The following RASSF2 variants were observed in gnomAD, a reference collection of about 807,000 sequenced individuals.
The protein encoded by RASSF2 is ras association domain-containing protein 2.
Under a neutral mutation model 46.3 loss-of-function variants are expected in RASSF2, and 34 were observed. That is an observed-to-expected ratio of 0.73 (90% confidence interval 0.56 to 0.98). The LOEUF is 0.98. Ranked by LOEUF, RASSF2 falls within the 50% of genes least tolerant of loss-of-function variation. The pLI is 0.00. For synonymous variants in RASSF2, 158 were observed against 162.5 expected (o/e 0.97, Z 0.21); for missense variants, 364 against 431.2 (o/e 0.84, Z 1.38).
chr20:4,788,775 T>C (rs948018211), intron 8 of RASSF2, among the ~76,000 whole-genome samples: 1 of 152,212 alleles, frequency 6.6e-6, no homozygotes, highest in Admixed American at 6.5e-5. Context: ...ATTGACCAAA[T>C]TGGTCATTCT....
At chr20:4,789,532 C>A in intron 8 of RASSF2, 64 bp downstream of exon 8, 2 of 1,393,734 alleles carry the variant, frequency 1.4e-6, no homozygotes, top group Non-Finnish European at 2.0e-6. Context: ...CTCGCACAAC[C>A]ACTCTAGGAG....
chr20:4,798,031 A>G lies in RASSF2; in HGVS notation c.114T>C (p.Asn38=), dbSNP rs780079626. ...TTACCTCCCGGTGCCGGAGCTGTAA[A>G]TTCTGGCCTTCATAGTACAAGTTGT... The part of the protein sequence containing the change: ...KTYNLYYEGQ[N]LQLRHREEED... The change falls in exon 4 of 12, where the codon AAT becomes AAC. Residue 38 remains asparagine (N), a synonymous_variant. Transcript: ENST00000379400. 1 of 1,614,020 alleles carries G rather than the reference A, an allele frequency of 6.2e-7. No homozygotes were observed. Among genetic ancestry groups the G allele is most frequent in the South Asian group, 1.1e-5 (1 of 91,076 alleles).
chr20:4,805,937 C>T (rs1927307485), intron 2 of RASSF2, among the ~76,000 whole-genome samples: 1 of 152,146 alleles, frequency 6.6e-6, no homozygotes, highest in African/African-American at 2.4e-5. Flanking sequence ...TTCAGGCAGA[C>T]CCATGGAAAC....
chr20:4,814,932 G>A (rs185392553), intron 2 of RASSF2, among the ~76,000 whole-genome samples: 59 of 152,302 alleles, frequency 3.9e-4, no homozygotes, highest in African/African-American at 1.3e-3. Context: ...GCTCCTCCAC[G>A]TGGCCCGCAG....
intron 7 of RASSF2, 21 bp from the exon 8 acceptor site, chr20:4,789,718 C>G (rs6037963): frequency 1.2e-6 from 2 of 1,605,798 alleles, no homozygotes; most frequent in Admixed American, 1.7e-5. Flanking sequence ...AAGGGCCCAG[C>G]TCAGGGTGGG....
At chr20:4,807,313 T>A in intron 2 of RASSF2, among the ~76,000 whole-genome samples, 1 of 147,374 alleles carries the variant, frequency 6.8e-6, no homozygotes, top group African/African-American at 2.6e-5. Context: ...CCTGTGAAAA[T>A]TTTAAACTTC....
chr20:4,788,469 C>A (rs1056479914), intron 8 of RASSF2, among the ~76,000 whole-genome samples: 20 of 152,184 alleles, frequency 1.3e-4, no homozygotes, highest in Admixed American at 1.0e-3. Context: ...ATGCACTTAA[C>A]CACGAGGATG....
chr20:4,810,176 G>A (rs781575178), intron 2 of RASSF2, among the ~76,000 whole-genome samples: 3 of 152,200 alleles, frequency 2.0e-5, no homozygotes, highest in Non-Finnish European at 4.4e-5. Context: ...CTAGGCTGCC[G>A]GAACGGGGTC....
chr20:4,798,073 G>A lies in RASSF2; in HGVS notation c.72C>T (p.Leu24=), dbSNP rs1225698711. 1 of 1,613,864 alleles carries A rather than the reference G, an allele frequency of 6.2e-7. No individual in the cohort carries two copies. Among genetic ancestry groups the A allele is most frequent in the Non-Finnish European group, 8.5e-7 (1 of 1,179,832 alleles). ...ACAAGTTGTAGGTCTTCAGATGCAA[G>A]AGAAGTTCATTTCTTAGGGGGAAAA... The part of the protein sequence containing the change: ...QDKYISKNEL[L]LHLKTYNLYY... The change falls in exon 4 of 12, where the codon CTC becomes CTT. Residue 24 remains leucine (L), a synonymous_variant. Transcript: ENST00000379400.
intron 2 of RASSF2, among the ~76,000 whole-genome samples, chr20:4,809,166 T>C (rs1927570139): frequency 6.6e-6 from 1 of 152,174 alleles, no homozygotes; most frequent in Non-Finnish European, 1.5e-5. Flanking sequence ...GTCAGTGGAA[T>C]TCAGCTGGTT....
intron 5 of RASSF2, 37 bp from the exon 6 acceptor site, chr20:4,792,664 A>C (rs1242074729): frequency 3.7e-6 from 6 of 1,608,240 alleles, no homozygotes; most frequent in Non-Finnish European, 5.1e-6. Flanking sequence ...GGGGGAGACT[A>C]GTTTAAGCCC....
chr20:4,818,343 G>A (rs1293261924), intron 2 of RASSF2, among the ~76,000 whole-genome samples: 3 of 151,862 alleles, frequency 2.0e-5, no homozygotes, highest in African/African-American at 7.3e-5. Flanking sequence ...AGGTTCAACC[G>A]GTTTGGGGCA....
At position 4,792,624 on chromosome 20, in the gene RASSF2, G is replaced by A. The variant is rs1183481720; in HGVS notation, c.291C>T (p.Thr97=). ...TGGGCACAGTCAGGGGCTTCAGAGT[G>A]GTTCTGGGAGTGGAGAAGACAAAGG... The part of the protein sequence containing the change: ...HSGCNLGAQG[T]TLKPLTVPKV... The change falls in exon 6 of 12, where the codon ACC becomes ACT. Residue 97 remains threonine (T), a synonymous_variant. Coordinates refer to ENST00000379400, the MANE Select transcript of RASSF2 (RefSeq NM_014737.3). The A allele has an allele frequency of 3.1e-6, 5 of 1,613,834 alleles. No individual in the cohort carries two copies. In the East Asian group the frequency reaches 1.1e-4, roughly 36 times the overall value.
intron 8 of RASSF2, among the ~76,000 whole-genome samples, chr20:4,788,952 T>TAACCTGCCCAATTA: frequency 6.6e-6 from 1 of 152,276 alleles, no homozygotes; most frequent in African/African-American, 2.4e-5. Context: ...GCAGGTTAAG[T>TAACCTGCCCAATTA]AACCTGCCCA....
At chr20:4,793,348 T>C (rs1252184548) in intron 5 of RASSF2, among the ~76,000 whole-genome samples, 2 of 152,186 alleles carry the variant, frequency 1.3e-5, no homozygotes, top group Non-Finnish European at 2.9e-5. Flanking sequence ...AGGAGAATCA[T>C]ATTTGACCAA....
Position 4,788,225 on chromosome 20 carries a change from G to A in RASSF2, c.683C>T (p.Thr228Met), listed in dbSNP as rs1482284481. Residue 228 changes from threonine to methionine, a missense_variant, in exon 9 of 12, where the codon ACG (threonine) becomes ATG (methionine). Transcript: ENST00000379400. ...GTGGTCTTCAGACTTACCACCACTC[G>A]TATGGACCACGTACAAGGCAAACTC... is the stretch of plus-strand genomic sequence containing the variant. The part of the protein sequence containing the change: ...AEEFALYVVH[T>M]SGEKQKLKAT... The A allele has an allele frequency of 5.0e-6, 8 of 1,600,368 alleles. No individual in the cohort carries two copies. Among genetic ancestry groups the A allele is most frequent in the East Asian group, 4.5e-5 (2 of 44,794 alleles).
chr20:4,788,265 C>A lies in RASSF2; in HGVS notation c.643G>T (p.Glu215Ter). The change falls in exon 9 of 12, where the codon GAG (glutamate) becomes TAG (stop). Residue 215 changes from glutamate (E) to a stop codon, truncating the protein, a stop_gained. Transcript: ENST00000379400. LOFTEE classifies it high-confidence loss of function. ...LKLLLNKFKI[E>*]NSAEEFALYV... The stretch of plus-strand genomic sequence containing the variant: ...AAGGCAAACTCCTCTGCTGAATTCT[C>A]AATCTGAAGCAGGAGCAAAAGATTC... The A allele has an allele frequency of 6.2e-7, 1 of 1,607,680 alleles. No homozygotes were observed. The highest frequency in any genetic ancestry group is 1.1e-5 in the South Asian group (1 of 90,936).
At chr20:4,792,487 C>G (rs181289102) in intron 6 of RASSF2, 52 bp downstream of exon 6, 2 of 1,610,464 alleles carry the variant, frequency 1.2e-6, no homozygotes, top group Non-Finnish European at 1.7e-6. Flanking sequence ...TCTATCACAG[C>G]GGTCTTCACA....
intron 4 of RASSF2, among the ~76,000 whole-genome samples, chr20:4,796,317 A>G (rs1401119863): frequency 1.3e-5 from 2 of 152,256 alleles, no homozygotes; most frequent in Non-Finnish European, 2.9e-5. Flanking sequence ...TAACAGAAGC[A>G]AGAACTGGAG....
Sources: allele counts gnomAD v4.1 joint callset (sites outside exome capture counted in the v4.1 genomes callset), GRCh38; gene constraint gnomAD v4.1.1; transcripts MANE v1.5; gene names NCBI Gene and HGNC (gene_info 2026-07-23, HGNC 2026-07-21).